SMPD3: variants seen among roughly 807,000 people sequenced by gnomAD.
SMPD3 encodes sphingomyelin phosphodiesterase 3.
In SMPD3, 21 loss-of-function variants were observed where a neutral mutation model predicts 55.7. The observed-to-expected ratio is 0.38, with a 90% CI of 0.27 to 0.54. The LOEUF is 0.54. SMPD3 is among the 20% of genes least tolerant of loss of function. The pLI is 0.80. For synonymous variants in SMPD3, 457 were observed against 404.3 expected, an observed-to-expected ratio of 1.13 and a Z score of -1.56; for missense variants, 842 against 899.6, an observed-to-expected ratio of 0.94 and a Z score of 0.82.
intron 1 of SMPD3, among the ~76,000 whole-genome samples, chr16:68,421,042 C>G (rs1210540823): frequency 6.6e-6 from 1 of 152,162 alleles, no homozygotes; most frequent in East Asian, 1.9e-4. Flanking sequence ...TAACCAGCAC[C>G]CAGAAGCCAC....
At chr16:68,364,455 C>T (rs572983329) in intron 5 of SMPD3, 2 of 359,904 alleles carry the variant, frequency 5.6e-6, no homozygotes, top group East Asian at 5.1e-5. Context: ...AGCGCGGCGC[C>T]CCGTTGATGG....
At chr16:68,384,407 C>T (rs1047302053) in intron 2 of SMPD3, among the ~76,000 whole-genome samples, 1 of 152,232 alleles carries the variant, frequency 6.6e-6, no homozygotes, top group Admixed American at 6.5e-5. Flanking sequence ...CTGAGTGTTT[C>T]TGTGCATGTA....
rs573599884 is a variant in SMPD3 at position 68,363,434 on chromosome 16, A to G, written c.1709+62T>C. 1.3e-5 allele frequency: 21 copies of G among 1,587,780 alleles called. No homozygotes were observed. In the East Asian group the frequency reaches 3.6e-4, roughly 27 times the overall value. The stretch of plus-strand genomic sequence containing the variant: ...GAGCTCTCCCATGTGGGTCCTGCCC[A>G]GTCCCTGTCTCCACCTTAGTCAGGG... On this transcript the variant is annotated intron_variant, in intron 7 of 8. Transcript: ENST00000219334.
intron 2 of SMPD3, among the ~76,000 whole-genome samples, chr16:68,374,179 G>A (rs2089748652): frequency 6.6e-6 from 1 of 152,236 alleles, no homozygotes; most frequent in Non-Finnish European, 1.5e-5. Context: ...ATGAGGGGAG[G>A]TTCACCTGGA....
At chr16:68,414,341 G>A (rs898636962) in intron 1 of SMPD3, among the ~76,000 whole-genome samples, 8 of 152,258 alleles carry the variant, frequency 5.3e-5, no homozygotes, top group Non-Finnish European at 8.8e-5. Context: ...ATCTGTGAAA[G>A]TATCTTTCGG....
At chr16:68,379,661 G>C (rs958721290) in intron 2 of SMPD3, among the ~76,000 whole-genome samples, 1 of 152,190 alleles carries the variant, frequency 6.6e-6, no homozygotes, top group African/African-American at 2.4e-5. Context: ...ATCTGTTGTG[G>C]GCTGCTTGTG....
intron 1 of SMPD3, among the ~76,000 whole-genome samples, chr16:68,389,199 T>TG (rs1327795630): frequency 6.6e-6 from 1 of 152,136 alleles, no homozygotes; most frequent in South Asian, 2.1e-4. Context: ...AGGGAGGGCC[T>TG]GGGGGGCGGG....
chr16:68,362,658 G>A (rs1287673956), intron 7 of SMPD3, among the ~76,000 whole-genome samples: 1 of 152,254 alleles, frequency 6.6e-6, no homozygotes, highest in East Asian at 1.9e-4. Context: ...GCGAGGCAGG[G>A]CCTGCAAACA....
intron 1 of SMPD3, among the ~76,000 whole-genome samples, chr16:68,391,473 T>G (rs1246942263): frequency 6.6e-6 from 1 of 152,248 alleles, no homozygotes; most frequent in Non-Finnish European, 1.5e-5. Context: ...TGGGCAACAC[T>G]GGGCCTTCAC....
intron 1 of SMPD3, among the ~76,000 whole-genome samples, chr16:68,410,941 A>G (rs888831711): frequency 6.6e-6 from 1 of 152,280 alleles, no homozygotes; most frequent in South Asian, 2.1e-4. Context: ...AATCACTCAG[A>G]CTTCACGGCA....
At chr16:68,416,617 A>G (rs1379055408) in intron 1 of SMPD3, among the ~76,000 whole-genome samples, 2 of 152,212 alleles carry the variant, frequency 1.3e-5, no homozygotes, top group Non-Finnish European at 2.9e-5. Flanking sequence ...CAGGTTCACC[A>G]GGAAGTAACA....
intron 2 of SMPD3, among the ~76,000 whole-genome samples, chr16:68,386,214 CAAAA>C (rs34700652): frequency 2.0e-5 from 2 of 99,794 alleles, no homozygotes; most frequent in African/African-American, 3.6e-5. Flanking sequence ...AGACGGGTCT[CAAAA>C]AAAAAAAAAA....
chr16:68,425,125 C>T (rs1347123778), intron 1 of SMPD3, among the ~76,000 whole-genome samples: 2 of 152,192 alleles, frequency 1.3e-5, no homozygotes, highest in East Asian at 1.9e-4. Context: ...TGGGATGGTG[C>T]CTGTGGGTTG....
In SMPD3 at chr16:68,363,570, C is replaced by A; in HGVS notation, c.1646-11G>T. 1 of 1,611,530 alleles carries A rather than the reference C, an allele frequency of 6.2e-7. No homozygotes were observed. Among genetic ancestry groups the A allele is most frequent in the South Asian group, 1.1e-5 (1 of 90,806 alleles). On this transcript the variant is annotated splice_polypyrimidine_tract_variant and intron_variant, in intron 6 of 8. Transcript: ENST00000219334. ...TGTCCAGCAGAGTACCTGGGGGGGA[C>A]GAGGGGGTGACAGTGGTCGCTGCAG...
intron 7 of SMPD3, among the ~76,000 whole-genome samples, chr16:68,362,294 G>T (rs2089318681): frequency 6.6e-6 from 1 of 152,222 alleles, no homozygotes; most frequent in Admixed American, 6.5e-5. Context: ...TGGTTGCTGT[G>T]GGCCCCAAGA....
chr16:68,434,185 A>C (rs1172191105), intron 1 of SMPD3, among the ~76,000 whole-genome samples: 1 of 152,222 alleles, frequency 6.6e-6, no homozygotes, highest in Non-Finnish European at 1.5e-5. Context: ...TTAAATTTTC[A>C]TTATATTACT....
intron 1 of SMPD3, among the ~76,000 whole-genome samples, chr16:68,415,294 G>T (rs1444870601): frequency 6.6e-6 from 1 of 152,206 alleles, no homozygotes; most frequent in African/African-American, 2.4e-5. Context: ...GGGCAGAGAG[G>T]TGGCTAGAGA....
rs117968336 is a variant in SMPD3, at chr16:68,361,468, G to A, written c.1866+135C>T. 10,183 of 1,405,218 alleles carry A rather than the reference G, an allele frequency of 7.2e-3. 400 individuals carry two copies. The East Asian group carries it at 0.13, about 18-fold the overall frequency. The allele number at this position is 1,405,218 out of a possible 1,614,324, so 87.0% of individuals were successfully genotyped here. A position where few individuals can be genotyped will look rare whatever the true frequency, so the allele number is the denominator to read the frequency against. Reference sequence around the variant, plus strand: ...GCCTGGAGGACCTGGGGCCCTAAGGGTCTGAGGGAGTGATGGGTATCATTG... The same window carrying A: ...GCCTGGAGGACCTGGGGCCCTAAGGATCTGAGGGAGTGATGGGTATCATTG... On this transcript the variant is annotated intron_variant, in intron 8 of 8. Coordinates refer to ENST00000219334, the MANE Select transcript of SMPD3 (RefSeq NM_018667.4).
In SMPD3 at chr16:68,404,836, G is replaced by C. The variant is rs2090240163; in HGVS notation, c.-268-18177C>G. Among the ~76,000 whole-genome samples the C allele has an allele frequency of 6.6e-6, 1 of 152,242 alleles. No individual in the cohort carries two copies. The highest frequency in any genetic ancestry group is 1.5e-5 in the Non-Finnish European group (1 of 68,036). On this transcript the variant is annotated intron_variant, in intron 1 of 8. Coordinates refer to ENST00000219334, the MANE Select transcript of SMPD3 (RefSeq NM_018667.4). The surrounding 1 kb of genome is among the most constrained non-coding windows in gnomAD (Gnocchi z 4.0). ...TTGACAGATCTACTCCAGTGACTTG[G>C]AACACTGTGTGGGAGACTTGTCCTT... is the stretch of plus-strand genomic sequence containing the variant.
Sources: allele counts gnomAD v4.1 joint callset (sites outside exome capture counted in the v4.1 genomes callset), GRCh38; gene constraint gnomAD v4.1.1; non-coding constraint Gnocchi (gnomAD v3.1); transcripts MANE v1.5; gene names NCBI Gene and HGNC (gene_info 2026-07-23, HGNC 2026-07-21).